Variants in COL4A4 observed in about 807,000 individuals in gnomAD.
COL4A4 encodes the protein collagen alpha-4(IV) chain.
COL4A4 carries 105 observed loss-of-function variants against 192.9 expected under a neutral mutation model. The ratio of observed to expected loss-of-function variants is 0.54; its 90% CI spans 0.46 to 0.64. The LOEUF (loss-of-function observed/expected upper bound fraction) is 0.64, where lower values mean the gene tolerates loss of function less well. Ranked by LOEUF, COL4A4 falls within the 30% of genes least tolerant of loss-of-function variation. The probability of loss-of-function intolerance (pLI) is 0.00; values close to 1 mark genes in which losing one functional copy is unlikely to be tolerated. For missense variants in COL4A4, 1,967 were observed against 2,169.3 expected, an observed-to-expected ratio of 0.91 and a Z score of 1.85; for synonymous variants, 762 against 769.9, an observed-to-expected ratio of 0.99 and a Z score of 0.17.
At chr2:227,041,718 AGGAG>A (rs1199477010) in intron 37 of COL4A4, among the ~76,000 whole-genome samples, 4 of 91,070 alleles carry the variant, frequency 4.4e-5, no homozygotes, top group East Asian at 3.2e-4. Flanking sequence ...GAAGGAAGGG[AGGAG>A]GAAGGAAGGA....
At chr2:227,086,849 C>T (rs912407390) in intron 22 of COL4A4, among the ~76,000 whole-genome samples, 2 of 152,204 alleles carry the variant, frequency 1.3e-5, no homozygotes, top group East Asian at 1.9e-4. Context: ...ACAATTGCAA[C>T]CATGCTTATG....
chr2:227,136,299 G>A (rs1033180872), intron 4 of COL4A4, among the ~76,000 whole-genome samples: 4 of 152,190 alleles, frequency 2.6e-5, no homozygotes. Flanking sequence ...TGACTGTGAT[G>A]AGCAGAAAGG....
chr2:227,037,095 G>A (rs1335815621), intron 37 of COL4A4, among the ~76,000 whole-genome samples: 2 of 152,028 alleles, frequency 1.3e-5, no homozygotes, highest in Non-Finnish European at 2.9e-5. Flanking sequence ...TTATGATGAT[G>A]ATGATGACAC....
intron 37 of COL4A4, among the ~76,000 whole-genome samples, chr2:227,038,421 T>G (rs990042166): frequency 6.6e-6 from 1 of 152,196 alleles, no homozygotes; most frequent in Non-Finnish European, 1.5e-5. Flanking sequence ...GTTCCATTGG[T>G]CAAGATATCT....
intron 3 of COL4A4, among the ~76,000 whole-genome samples, chr2:227,141,983 T>C (rs1158645440): frequency 1.3e-5 from 2 of 151,198 alleles, no homozygotes; most frequent in Non-Finnish European, 2.9e-5. Context: ...GGCTTGATAA[T>C]AAGGGCAAGT....
At chr2:227,139,638 AC>A (rs1201767201) in intron 4 of COL4A4, among the ~76,000 whole-genome samples, 1 of 152,246 alleles carries the variant, frequency 6.6e-6, no homozygotes, top group Non-Finnish European at 1.5e-5. Context: ...GAAGGTTCTT[AC>A]GAGAAGTCAA....
Position 227,118,628 on chromosome 2 carries a change from A to C in COL4A4, c.489+17T>G. On this transcript the variant is annotated intron_variant, in intron 7 of 47. Transcript: ENST00000396625. ...TTCACTTAAGATTCCTGTTAAGATGAACTGTGGGTATCTTACTAGGGGGCC... is the reference window on the plus strand; with the variant it reads ...TTCACTTAAGATTCCTGTTAAGATGCACTGTGGGTATCTTACTAGGGGGCC... 1 of 1,551,288 alleles carries C rather than the reference A, an allele frequency of 6.4e-7. No individual in the cohort carries two copies. The highest frequency in any genetic ancestry group is 8.9e-7 in the Non-Finnish European group (1 of 1,122,822).
At chr2:226,982,914 T>G in the COL4A4 span, among the ~76,000 whole-genome samples, 65,718 of 152,008 alleles carry the variant, frequency 0.43, 14,302 homozygotes, top group South Asian at 0.52. Flanking sequence ...CTAACGATTG[T>G]ATTTGTTGTG....
intron 41 of COL4A4, among the ~76,000 whole-genome samples, chr2:227,028,264 C>T (rs767017344): frequency 6.6e-5 from 10 of 152,136 alleles, no homozygotes; most frequent in Non-Finnish European, 1.5e-4. Context: ...GAAAAGAAGT[C>T]CTATAACCCT....
chr2:227,060,043 A>C, intron 27 of COL4A4, 93 bp downstream of exon 27: 1 of 851,432 alleles, frequency 1.2e-6, no homozygotes. Flanking sequence ...CCATTTCCTC[A>C]ATGAAATTAT....
At chr2:227,050,208 A>C in intron 33 of COL4A4, 77 bp from the exon 34 acceptor site, 1 of 1,355,336 alleles carries the variant, frequency 7.4e-7, no homozygotes, top group Non-Finnish European at 1.1e-6. Flanking sequence ...ATCCAGTTGT[A>C]ATTTTCTGTA....
intron 25 of COL4A4, among the ~76,000 whole-genome samples, chr2:227,065,981 A>G (rs2058313183): frequency 6.6e-6 from 1 of 152,252 alleles, no homozygotes; most frequent in South Asian, 2.1e-4. Context: ...CTTTGAAAAG[A>G]ATTTAGAAGA....
chr2:227,080,431 A>G lies in COL4A4; in HGVS notation c.1803+12T>C, dbSNP rs751900711. 1 of 1,605,028 alleles carries G rather than the reference A, an allele frequency of 6.2e-7. No individual in the cohort carries two copies. The highest frequency in any genetic ancestry group is 1.3e-5 in the African/African-American group (1 of 74,798). On this transcript the variant is annotated intron_variant, in intron 24 of 47. Transcript: ENST00000396625. ...AAGTGAAATTCTATAGCAAGAGAAG[A>G]ATTCTACATACTGGAGGTCCTGGAT...
chr2:227,006,986 GA>G lies in COL4A4; in HGVS notation c.*338del. The stretch of plus-strand genomic sequence containing the variant: ...ATTGTTTGAGATACTGTTAACCCAA[GA>G]ATGAAGTTTTCAGTAATGTAATTTG... On this transcript the variant is annotated 3_prime_UTR_variant, in exon 48 of 48. Transcript: ENST00000396625. The G allele has an allele frequency of 2.9e-6, 1 of 350,646 alleles. No individual in the cohort carries two copies. Among genetic ancestry groups the G allele is most frequent in the South Asian group, 2.6e-5 (1 of 38,550 alleles). 21.7% of individuals were successfully genotyped at this position (350,646 alleles called of 1,614,324 possible).
Position 227,003,080 on chromosome 2 carries a change from T to G in COL4A4, c.*4245A>C, listed in dbSNP as rs545784100. ...CTGCAGAACTTACTGATAATGTCCCTGCAGGAAATTGTGATATTTTCTGTG... is the reference window on the plus strand; with the variant it reads ...CTGCAGAACTTACTGATAATGTCCCGGCAGGAAATTGTGATATTTTCTGTG... On this transcript the variant is annotated 3_prime_UTR_variant, in exon 48 of 48. Coordinates refer to ENST00000396625, the MANE Select transcript of COL4A4 (RefSeq NM_000092.5). 1 of 152,592 alleles carries G rather than the reference T, an allele frequency of 6.6e-6. No individual in the cohort carries two copies. The highest frequency in any genetic ancestry group is 2.1e-4 in the South Asian group (1 of 4,822). The allele number at this position is 152,592 out of a possible 1,614,324, so 9.5% of individuals were successfully genotyped here. A position where few individuals can be genotyped will look rare whatever the true frequency, so the allele number is the denominator to read the frequency against.
At chr2:227,092,661 T>C (rs2060001718) in intron 20 of COL4A4, among the ~76,000 whole-genome samples, 1 of 152,152 alleles carries the variant, frequency 6.6e-6, no homozygotes, top group South Asian at 2.1e-4. Flanking sequence ...ACAAGACAAT[T>C]GACAAGATGT....
In COL4A4 at chr2:227,082,281, A is replaced by C; in HGVS notation, c.1624-94T>G. On this transcript the variant is annotated intron_variant, in intron 22 of 47. Coordinates refer to ENST00000396625, the MANE Select transcript of COL4A4 (RefSeq NM_000092.5). Reference sequence around the variant, plus strand: ...GAATCTCTCTCTTCTTCCCTCCTAAATCTCTTGTTAAAGATTCTAGCTTGG... The same window carrying C: ...GAATCTCTCTCTTCTTCCCTCCTAACTCTCTTGTTAAAGATTCTAGCTTGG... The C allele has an allele frequency of 2.7e-6, 3 of 1,130,852 alleles. No homozygotes were observed. In the South Asian group the frequency reaches 3.7e-5, roughly 14 times the overall value. The allele number at this position is 1,130,852 out of a possible 1,614,324, so 70.1% of individuals were successfully genotyped here. A position where few individuals can be genotyped will look rare whatever the true frequency, so the allele number is the denominator to read the frequency against.
intron 4 of COL4A4, among the ~76,000 whole-genome samples, chr2:227,124,525 T>A (rs1026273612): frequency 6.6e-6 from 1 of 152,254 alleles, no homozygotes; most frequent in African/African-American, 2.4e-5. Flanking sequence ...TTCATCATTG[T>A]TAAATAGCTA....
the COL4A4 span, among the ~76,000 whole-genome samples, chr2:226,983,464 C>T: frequency 1.3e-5 from 2 of 152,176 alleles, no homozygotes; most frequent in African/African-American, 2.4e-5. Flanking sequence ...CAATCCATTT[C>T]TTTTCCCAGG....
Sources: gnomAD v4.1 joint callset for allele counts (sites outside exome capture counted in the v4.1 genomes callset) on GRCh38, gnomAD v4.1.1 for gene constraint, MANE v1.5 for transcripts, NCBI Gene and HGNC (gene_info 2026-07-23, HGNC 2026-07-21) for gene names.